Variants in ADGRG6 observed in about 807,000 individuals in gnomAD.
ADGRG6 encodes adhesion G protein-coupled receptor G6.
In ADGRG6, 84 loss-of-function variants were observed where a neutral mutation model predicts 142.4. The observed-to-expected ratio is 0.59, with a 90% CI of 0.49 to 0.71. The LOEUF (loss-of-function observed/expected upper bound fraction) is 0.71, where lower values mean the gene tolerates loss of function less well. ADGRG6 is among the 30% of genes least tolerant of loss of function. The pLI is 0.00. For missense variants in ADGRG6, 1,367 were observed against 1,466.6 expected (o/e 0.93, Z 1.11); for synonymous variants, 521 against 520.5 (o/e 1.00, Z -0.01).
At chr6:142,423,092 A>C (rs1315125829) in intron 22 of ADGRG6, among the ~76,000 whole-genome samples, 1 of 147,182 alleles carries the variant, frequency 6.8e-6, no homozygotes, top group Admixed American at 6.8e-5. Flanking sequence ...TAGGTTGCGA[A>C]AATTTTCTCC....
At chr6:142,341,633 A>G (rs1216103561) in intron 2 of ADGRG6, among the ~76,000 whole-genome samples, 1 of 128,480 alleles carries the variant, frequency 7.8e-6, no homozygotes, top group Non-Finnish European at 1.6e-5. Flanking sequence ...TATATAATAT[A>G]TAATATATAT....
chr6:142,331,300 A>G (rs942391989), intron 2 of ADGRG6, among the ~76,000 whole-genome samples: 2 of 151,918 alleles, frequency 1.3e-5, no homozygotes, highest in Non-Finnish European at 2.9e-5. Flanking sequence ...TGGCTCCTTT[A>G]AAGTGTATAG....
At chr6:142,413,489 T>G (rs1776200666) in intron 18 of ADGRG6, among the ~76,000 whole-genome samples, 1 of 152,202 alleles carries the variant, frequency 6.6e-6, no homozygotes, top group Non-Finnish European at 1.5e-5. Context: ...CATGAAATTG[T>G]GTATAAATCT....
intron 4 of ADGRG6, among the ~76,000 whole-genome samples, chr6:142,377,623 A>G (rs1583059955): frequency 6.6e-6 from 1 of 152,248 alleles, no homozygotes; most frequent in African/African-American, 2.4e-5. Flanking sequence ...ACACATACAC[A>G]TCATATTCTA....
intron 4 of ADGRG6, among the ~76,000 whole-genome samples, chr6:142,377,185 G>C (rs1418497366): frequency 6.6e-6 from 1 of 152,116 alleles, no homozygotes; most frequent in Non-Finnish European, 1.5e-5. Context: ...GGAAAATTTA[G>C]GCACACGGAC....
chr6:142,333,920 A>G (rs1047667473), intron 2 of ADGRG6, among the ~76,000 whole-genome samples: 13 of 152,110 alleles, frequency 8.5e-5, no homozygotes, highest in South Asian at 2.1e-4. Flanking sequence ...CTCTAATCCT[A>G]TGGCTTGTCC....
intron 1 of ADGRG6, 181 bp downstream of exon 1, chr6:142,302,512 T>C (rs1053409312): frequency 1.2e-5 from 7 of 587,126 alleles, no homozygotes; most frequent in Non-Finnish European, 2.0e-5. Flanking sequence ...GTAGGACTAT[T>C]GCCAAGTGGA....
At chr6:142,337,348 G>A (rs139824428) in intron 2 of ADGRG6, among the ~76,000 whole-genome samples, 1 of 152,294 alleles carries the variant, frequency 6.6e-6, no homozygotes, top group African/African-American at 2.4e-5. Context: ...TCTTTTGGAA[G>A]TTGTAATGGA....
Position 142,302,087 on chromosome 6 carries a change from G to A in ADGRG6, c.-243G>A. 3.8e-6 allele frequency: 2 copies of A among 530,752 alleles called. No individual in the cohort carries two copies. Among genetic ancestry groups the A allele is most frequent in the East Asian group, 6.3e-5 (2 of 31,834 alleles). 32.9% of individuals were successfully genotyped at this position (530,752 alleles called of 1,614,324 possible). A position where few individuals can be genotyped will look rare whatever the true frequency, so the allele number is the denominator to read the frequency against. On this transcript the variant is annotated 5_prime_UTR_variant, in exon 1 of 25. Transcript: ENST00000367609. ...CACCCTGCCAACTTCCCTGCGAGGA[G>A]GGACCTGCCGCCAGCCTGCTTCCTC...
In ADGRG6 at chr6:142,310,840, G is replaced by A. The variant is rs1388998968; in HGVS notation, c.103+1196G>A. ...CTTGTAAACAGATTGGAAAATTAAA[G>A]ATAGGTTTTATGATGTACAGTGTTG... is the stretch of plus-strand genomic sequence containing the variant. On this transcript the variant is annotated intron_variant, in intron 2 of 24. Coordinates refer to ENST00000367609, the MANE Select transcript of ADGRG6 (RefSeq NM_198569.3). 2.0e-5 allele frequency among the ~76,000 whole-genome samples: 3 copies of A among 151,788 alleles called. No individual in the cohort carries two copies. The East Asian group carries it at 5.8e-4, about 29-fold the overall frequency.
chr6:142,408,327 G>C, intron 16 of ADGRG6, 58 bp downstream of exon 16: 1 of 1,336,444 alleles, frequency 7.5e-7, no homozygotes, highest in Non-Finnish European at 1.0e-6. Flanking sequence ...TATACTAGTG[G>C]GGCCTTTTTT....
At chr6:142,385,737 A>G (rs1054726574) in intron 6 of ADGRG6, among the ~76,000 whole-genome samples, 1 of 152,036 alleles carries the variant, frequency 6.6e-6, no homozygotes, top group African/African-American at 2.4e-5. Flanking sequence ...TTAGAGACAG[A>G]CTATATTAAG....
chr6:142,432,940 A>G (rs1157905342), intron 22 of ADGRG6, among the ~76,000 whole-genome samples: 1 of 152,184 alleles, frequency 6.6e-6, no homozygotes, highest in Non-Finnish European at 1.5e-5. Context: ...ACATTCAGCA[A>G]TTTTTCTTTC....
intron 22 of ADGRG6, among the ~76,000 whole-genome samples, chr6:142,433,361 C>T (rs1177849051): frequency 6.6e-6 from 1 of 152,100 alleles, no homozygotes; most frequent in Non-Finnish European, 1.5e-5. Flanking sequence ...TTTGCTTATT[C>T]AAAGTGCTGG....
chr6:142,429,327 C>T (rs1200308755), intron 22 of ADGRG6, among the ~76,000 whole-genome samples: 2 of 152,170 alleles, frequency 1.3e-5, no homozygotes, highest in African/African-American at 2.4e-5. Context: ...TACATAATTA[C>T]ATGTATAATA....
Position 142,338,027 on chromosome 6 carries a change from T to TTTTGTTTTTTTTG in ADGRG6, c.103+28386_103+28387insGTTTTTTTTGTTT, listed in dbSNP as rs1779421205. ...ATGCCTTGTATCTTTGTTTTTTTTT[T>TTTTGTTTTTTTTG]TTTTTTTTTTTGAGACGGAGTCTCG... On this transcript the variant is annotated intron_variant, in intron 2 of 24. Coordinates refer to ENST00000367609, the MANE Select transcript of ADGRG6 (RefSeq NM_198569.3). 6.9e-5 allele frequency among the ~76,000 whole-genome samples: 4 copies of TTTTGTTTTTTTTG among 58,002 alleles called. 1 individual carries two copies. The highest frequency in any genetic ancestry group is 1.0e-4 in the Non-Finnish European group (3 of 29,194). The allele number at this position is 58,002 out of a possible 152,430, so 38.1% of individuals were successfully genotyped here.
intron 22 of ADGRG6, among the ~76,000 whole-genome samples, chr6:142,434,985 T>C (rs1777409301): frequency 1.3e-5 from 2 of 152,150 alleles, no homozygotes; most frequent in Admixed American, 1.3e-4. Context: ...CTTAGACTTA[T>C]TTTGCAAATT....
At chr6:142,321,391 A>G (rs899746813) in intron 2 of ADGRG6, among the ~76,000 whole-genome samples, 1 of 152,036 alleles carries the variant, frequency 6.6e-6, no homozygotes, top group Admixed American at 6.6e-5. Flanking sequence ...AAAGACTTAT[A>G]TAAGAATTTT....
intron 9 of ADGRG6, among the ~76,000 whole-genome samples, chr6:142,397,025 G>A (rs1410402590): frequency 6.6e-6 from 1 of 151,958 alleles, no homozygotes; most frequent in Non-Finnish European, 1.5e-5. Context: ...TCACAGAGTC[G>A]ATTTTAAGTA....
Sources: gnomAD v4.1 joint callset for allele counts (sites outside exome capture counted in the v4.1 genomes callset) on GRCh38, gnomAD v4.1.1 for gene constraint, MANE v1.5 for transcripts, NCBI Gene and HGNC (gene_info 2026-07-23, HGNC 2026-07-21) for gene names.